The following GALNT13 variants were observed in gnomAD, a reference collection of about 807,000 sequenced individuals.
The protein encoded by GALNT13 is polypeptide N-acetylgalactosaminyltransferase 13.
In GALNT13, 28 loss-of-function variants were observed where a neutral mutation model predicts 64.2. The ratio of observed to expected loss-of-function variants is 0.44; its 90% confidence interval spans 0.32 to 0.60. The LOEUF (loss-of-function observed/expected upper bound fraction) is 0.60. GALNT13 is among the 20% of genes least tolerant of loss of function. The probability of loss-of-function intolerance (pLI) is 0.05; values close to 1 mark genes in which losing one functional copy is unlikely to be tolerated. For synonymous variants in GALNT13, 214 were observed against 224.6 expected (o/e 0.95, Z 0.42); for missense variants, 577 against 669.8 (o/e 0.86, Z 1.53).
intron 9 of GALNT13, among the ~76,000 whole-genome samples, chr2:154,367,476 A>G (rs933365769): frequency 3.0e-4 from 46 of 152,170 alleles, no homozygotes; most frequent in Non-Finnish European, 2.9e-5. Flanking sequence ...CCTAGCTGGC[A>G]TTTCCAGCAA....
At chr2:154,156,894 G>C (rs966070483) in intron 4 of GALNT13, among the ~76,000 whole-genome samples, 1 of 152,110 alleles carries the variant, frequency 6.6e-6, no homozygotes, top group South Asian at 2.1e-4. Flanking sequence ...AGAATAGAAT[G>C]ATTAAATAGT....
At chr2:154,267,408 G>A (rs187203067) in intron 8 of GALNT13, among the ~76,000 whole-genome samples, 29 of 152,248 alleles carry the variant, frequency 1.9e-4, no homozygotes, top group African/African-American at 7.0e-4. Context: ...GGGAGGCCAA[G>A]GTGGGCAGAT....
chr2:153,978,953 T>C (rs913671903), intron 3 of GALNT13, among the ~76,000 whole-genome samples: 1 of 151,902 alleles, frequency 6.6e-6, no homozygotes, highest in Admixed American at 6.6e-5. Context: ...CTTAAAAAAA[T>C]AAACAATAAG....
At chr2:153,911,697 T>G (rs949976111) in intron 2 of GALNT13, among the ~76,000 whole-genome samples, 2 of 152,160 alleles carry the variant, frequency 1.3e-5, no homozygotes, top group African/African-American at 4.8e-5. Flanking sequence ...AAATTCTTGG[T>G]CAGAATTTAT....
the GALNT13 span, among the ~76,000 whole-genome samples, chr2:153,728,102 C>G: frequency 3.2e-4 from 48 of 152,256 alleles, no homozygotes; most frequent in Admixed American, 2.9e-3. Context: ...GCATAGTATT[C>G]CATGGTGTGT....
At chr2:153,104,602 A>G in the GALNT13 span, among the ~76,000 whole-genome samples, 2 of 152,060 alleles carry the variant, frequency 1.3e-5, no homozygotes, top group Admixed American at 6.6e-5. Flanking sequence ...ATTCTTACAT[A>G]TATGTAGTTT....
Position 154,396,096 on chromosome 2 carries a change from C to A in GALNT13, c.1262C>A (p.Ser421Tyr). The change falls in exon 10 of 13, where the codon TCC becomes TAC. Residue 421 changes from serine (S) to tyrosine (Y), a missense_variant. This residue lies in a region of GALNT13 where 232 missense variants were observed against 270.6 expected (regional missense o/e 0.86). Coordinates refer to ENST00000392825, the MANE Select transcript of GALNT13 (RefSeq NM_052917.4). The part of the protein sequence containing the change: ...SWYLENIYPD[S>Y]QIPRRYYSLG... ...TACCTAGAAAACATCTATCCGGACT[C>A]CCAGATCCCAAGACGTTATTACTCA... 1 of 1,607,700 alleles carries A rather than the reference C, an allele frequency of 6.2e-7. No individual in the cohort carries two copies. Among genetic ancestry groups the A allele is most frequent in the Non-Finnish European group, 8.5e-7 (1 of 1,176,722 alleles).
the GALNT13 span, among the ~76,000 whole-genome samples, chr2:153,345,349 A>G: frequency 6.6e-6 from 1 of 152,170 alleles, no homozygotes; most frequent in East Asian, 1.9e-4. Flanking sequence ...AGCAGGGAGA[A>G]CCTAGAACTC....
intron 4 of GALNT13, among the ~76,000 whole-genome samples, chr2:154,162,628 T>G (rs1684798320): frequency 6.6e-6 from 1 of 152,228 alleles, no homozygotes; most frequent in African/African-American, 2.4e-5. Context: ...TATATTAGTT[T>G]GTTTTTATAT....
the GALNT13 span, among the ~76,000 whole-genome samples, chr2:153,492,185 A>T: frequency 6.6e-6 from 1 of 152,188 alleles, no homozygotes; most frequent in Non-Finnish European, 1.5e-5. Flanking sequence ...ACATAGGGAA[A>T]TTAGGATATG....
At chr2:153,304,346 A>G in the GALNT13 span, among the ~76,000 whole-genome samples, 2 of 152,020 alleles carry the variant, frequency 1.3e-5, no homozygotes, top group African/African-American at 4.8e-5. Flanking sequence ...AGATGAACTT[A>G]ATTGGATTGA....
intron 9 of GALNT13, among the ~76,000 whole-genome samples, chr2:154,338,735 G>A (rs1203199775): frequency 6.6e-6 from 1 of 152,064 alleles, no homozygotes; most frequent in African/African-American, 2.4e-5. Flanking sequence ...TGGTACCAGG[G>A]CCTGGGAAAT....
the GALNT13 span, among the ~76,000 whole-genome samples, chr2:153,484,639 C>T: frequency 6.6e-6 from 1 of 152,190 alleles, no homozygotes; most frequent in Non-Finnish European, 1.5e-5. Context: ...ACTTTGGCTA[C>T]ATGTTAAAAT....
chr2:153,669,066 T>C, the GALNT13 span, among the ~76,000 whole-genome samples: 2 of 152,116 alleles, frequency 1.3e-5, no homozygotes, highest in African/African-American at 4.8e-5. Context: ...CAGTGAGGCC[T>C]CAGATGCCCA....
At chr2:153,474,010 A>T in the GALNT13 span, among the ~76,000 whole-genome samples, 15 of 152,204 alleles carry the variant, frequency 9.9e-5, no homozygotes, top group Non-Finnish European at 1.8e-4. Context: ...GATCATGCGT[A>T]ATCGATCAGG....
chr2:153,949,020 T>A (rs1488131934), intron 3 of GALNT13, among the ~76,000 whole-genome samples: 1 of 152,112 alleles, frequency 6.6e-6, no homozygotes, highest in Non-Finnish European at 1.5e-5. Context: ...TTATAACATT[T>A]TACTGTACCT....
chr2:153,277,927 C>CTTTTTTTTTTTTTTTTTTTTTTTTT, the GALNT13 span, among the ~76,000 whole-genome samples: 14 of 80,106 alleles, frequency 1.7e-4, no homozygotes, highest in East Asian at 6.2e-4. Context: ...TCTTTTCTTT[C>CTTTTTTTTTTTTTTTTTTTTTTTTT]TTTTTTTTTT....
the GALNT13 span, among the ~76,000 whole-genome samples, chr2:153,264,382 T>C: frequency 6.6e-6 from 1 of 152,216 alleles, no homozygotes; most frequent in African/African-American, 2.4e-5. Context: ...AGTGTGGCAA[T>C]TCCTCAAAGA....
intron 3 of GALNT13, among the ~76,000 whole-genome samples, chr2:153,968,165 T>A (rs184498463): frequency 2.0e-4 from 30 of 152,218 alleles, no homozygotes; most frequent in Non-Finnish European, 2.9e-4. Flanking sequence ...AGGACTGCAG[T>A]CACTGTGGCC....
Sources: allele counts gnomAD v4.1 joint callset (sites outside exome capture counted in the v4.1 genomes callset), GRCh38; gene constraint gnomAD v4.1.1; regional missense constraint gnomAD v4.1.1; transcripts MANE v1.5; gene names NCBI Gene and HGNC (gene_info 2026-07-23, HGNC 2026-07-21).